TAFA2: variants seen among roughly 807,000 people sequenced by gnomAD.
TAFA2 encodes chemokine-like protein TAFA-2.
Under a neutral mutation model 18.8 loss-of-function variants are expected in TAFA2, and 7 were observed. The observed-to-expected ratio is 0.37, with a 90% CI of 0.21 to 0.70. TAFA2 has a LOEUF of 0.70. Ranked by LOEUF, TAFA2 falls within the 30% of genes least tolerant of loss-of-function variation. The probability of loss-of-function intolerance (pLI) is 0.53; values close to 1 mark genes in which losing one functional copy is unlikely to be tolerated. For missense variants in TAFA2, 122 were observed against 158.1 expected (o/e 0.77, Z 1.23); for synonymous variants, 60 against 54.2 (o/e 1.11, Z -0.47).
chr12:61,903,849 G>A (rs954727366), intron 1 of TAFA2, among the ~76,000 whole-genome samples: 34 of 152,086 alleles, frequency 2.2e-4, no homozygotes, highest in African/African-American at 9.7e-5. Context: ...GAATTCAAGA[G>A]TAAAACCCTC....
chr12:61,818,521 ACAC>A (rs1565644769), intron 2 of TAFA2, among the ~76,000 whole-genome samples: 11 of 151,464 alleles, frequency 7.3e-5, no homozygotes. Flanking sequence ...ACACACACAC[ACAC>A]ACTAGGATCC....
intron 1 of TAFA2, among the ~76,000 whole-genome samples, chr12:61,889,868 A>G (rs1339378522): frequency 6.6e-6 from 1 of 152,218 alleles, no homozygotes; most frequent in Non-Finnish European, 1.5e-5. Context: ...ACACATAGAA[A>G]AATTATCCAC....
chr12:61,719,243 C>T (rs140703066), intron 4 of TAFA2, among the ~76,000 whole-genome samples: 197 of 152,200 alleles, frequency 1.3e-3, no homozygotes, highest in African/African-American at 4.6e-3. Context: ...CTTTGTAAAG[C>T]TAAGGAAAGA....
At chr12:61,734,908 A>C (rs1868279143) in intron 4 of TAFA2, among the ~76,000 whole-genome samples, 1 of 151,948 alleles carries the variant, frequency 6.6e-6, no homozygotes. Context: ...CACTATTTTT[A>C]TGAGTTGACA....
At chr12:61,744,674 C>A (rs750967201) in intron 4 of TAFA2, among the ~76,000 whole-genome samples, 1 of 152,024 alleles carries the variant, frequency 6.6e-6, no homozygotes, top group Non-Finnish European at 1.5e-5. Flanking sequence ...CCTGCCTCAG[C>A]CTTCCAAGTA....
At chr12:61,966,464 C>T (rs1212424610) in intron 1 of TAFA2, among the ~76,000 whole-genome samples, 2 of 151,894 alleles carry the variant, frequency 1.3e-5, no homozygotes, top group African/African-American at 4.8e-5. Context: ...CTTAAAGACC[C>T]ACCTCTTAAT....
chr12:61,924,728 C>A (rs1877204428), intron 1 of TAFA2, among the ~76,000 whole-genome samples: 1 of 152,148 alleles, frequency 6.6e-6, no homozygotes, highest in South Asian at 2.1e-4. Context: ...GGATCAAATT[C>A]ACACATAACA....
intron 2 of TAFA2, among the ~76,000 whole-genome samples, chr12:61,781,431 G>GA (rs2120885742): frequency 3.3e-5 from 5 of 151,906 alleles, no homozygotes; most frequent in African/African-American, 1.2e-4. Context: ...GATTAGTGAA[G>GA]ATGTTTGTTT....
At chr12:61,791,709 C>A (rs1345324865) in intron 2 of TAFA2, among the ~76,000 whole-genome samples, 4 of 151,480 alleles carry the variant, frequency 2.6e-5, no homozygotes, top group Non-Finnish European at 5.9e-5. Flanking sequence ...ATCAAACAGA[C>A]AAAAGATAAG....
intron 1 of TAFA2, among the ~76,000 whole-genome samples, chr12:62,099,191 CA>C: frequency 6.6e-6 from 1 of 151,786 alleles, no homozygotes; most frequent in African/African-American, 2.4e-5. Flanking sequence ...TCTGCCTAAT[CA>C]ATAGTGTAAG....
At chr12:62,068,106 A>T (rs1882538585) in intron 1 of TAFA2, among the ~76,000 whole-genome samples, 2 of 151,998 alleles carry the variant, frequency 1.3e-5, no homozygotes, top group Admixed American at 1.3e-4. Context: ...CAAAAAAAAA[A>T]TTAAATAAAA....
At chr12:61,793,996 C>T (rs1233391434) in intron 2 of TAFA2, among the ~76,000 whole-genome samples, 1 of 151,872 alleles carries the variant, frequency 6.6e-6, no homozygotes, top group Non-Finnish European at 1.5e-5. Context: ...AATACAATAT[C>T]TATTCATGAC....
intron 2 of TAFA2, among the ~76,000 whole-genome samples, chr12:61,828,573 T>C (rs1477651792): frequency 6.6e-6 from 1 of 151,970 alleles, no homozygotes; most frequent in South Asian, 2.1e-4. Context: ...TTTCTAAGTG[T>C]ACACAGTAAT....
intron 1 of TAFA2, among the ~76,000 whole-genome samples, chr12:61,923,231 A>C (rs780070930): frequency 2.0e-5 from 3 of 152,184 alleles, no homozygotes; most frequent in Admixed American, 6.5e-5. Flanking sequence ...CACAAAGCTG[A>C]AGATCTGTTA....
chr12:62,092,045 C>T (rs1159732605), intron 1 of TAFA2, among the ~76,000 whole-genome samples: 1 of 151,882 alleles, frequency 6.6e-6, no homozygotes, highest in African/African-American at 2.4e-5. Flanking sequence ...AATCTACCAA[C>T]CTGTTGGCAT....
chr12:61,981,308 T>G (rs1371855598), intron 1 of TAFA2, among the ~76,000 whole-genome samples: 1 of 152,128 alleles, frequency 6.6e-6, no homozygotes, highest in Non-Finnish European at 1.5e-5. Flanking sequence ...AAAAATTAAT[T>G]CAAGATGGAT....
chr12:61,990,034 TA>T (rs1278761191), intron 1 of TAFA2, among the ~76,000 whole-genome samples: 4 of 152,152 alleles, frequency 2.6e-5, no homozygotes, highest in Non-Finnish European at 5.9e-5. Flanking sequence ...GTGGCATCAC[TA>T]CAACTCCCCA....
chr12:62,041,878 T>C (rs1881765313), intron 1 of TAFA2, among the ~76,000 whole-genome samples: 4 of 152,130 alleles, frequency 2.6e-5, no homozygotes, highest in Admixed American at 2.6e-4. Flanking sequence ...TAAGGCAAAC[T>C]TTCATTCAGA....
In TAFA2 at chr12:61,818,080, A is replaced by C. The variant is rs141587900; in HGVS notation, c.106+49240T>G. 4.3e-3 allele frequency among the ~76,000 whole-genome samples: 655 copies of C among 152,304 alleles called. 5 individuals carry two copies. Among genetic ancestry groups the C allele is most frequent in the African/African-American group, 0.015 (633 of 41,570 alleles). On this transcript the variant is annotated intron_variant, in intron 2 of 4. Transcript: ENST00000416284. ...CAGGATGCCTGCCATCCTCACCGGG[A>C]GAACAGAATCCACATCTCCCTCTAT...
Sources: gnomAD v4.1 joint callset for allele counts (sites outside exome capture counted in the v4.1 genomes callset) on GRCh38, gnomAD v4.1.1 for gene constraint, MANE v1.5 for transcripts, NCBI Gene and HGNC (gene_info 2026-07-23, HGNC 2026-07-21) for gene names.